Variants in CDYL observed in about 807,000 individuals in gnomAD.
The protein encoded by CDYL is chromodomain Y like, also known as chromodomain Y-like protein.
In CDYL, 8 loss-of-function variants were observed where a neutral mutation model predicts 47.3. The observed-to-expected ratio is 0.17, with a 90% CI of 0.10 to 0.31. The LOEUF is 0.31. Ranked by LOEUF, CDYL falls within the 10% of genes least tolerant of loss-of-function variation. CDYL has a pLI of 1.00. For missense variants in CDYL, 471 were observed against 701.4 expected (o/e 0.67, Z 3.71); for synonymous variants, 266 against 265.0 (o/e 1.00, Z -0.04).
intron 2 of CDYL, among the ~76,000 whole-genome samples, chr6:4,915,159 C>T (rs1268990059): frequency 1.3e-5 from 2 of 152,198 alleles, no homozygotes; most frequent in African/African-American, 2.4e-5. Flanking sequence ...AGCATCCTTT[C>T]GATCACCTCC....
At chr6:4,935,415 T>G in intron 2 of CDYL, 100 bp from the exon 3 acceptor site, 1 of 1,025,252 alleles carries the variant, frequency 9.8e-7, no homozygotes, top group Non-Finnish European at 1.5e-6. Context: ...CGTTTAATCC[T>G]AAGTGTGTAA....
chr6:4,753,352 G>C (rs1204482532), intron 3 of CDYL, among the ~76,000 whole-genome samples: 1 of 152,108 alleles, frequency 6.6e-6, no homozygotes, highest in Admixed American at 6.6e-5. Context: ...TTTCCTCTTG[G>C]GCTGTCAGTG....
chr6:4,825,690 T>G (rs1759962574), intron 1 of CDYL, among the ~76,000 whole-genome samples: 1 of 152,198 alleles, frequency 6.6e-6, no homozygotes, highest in South Asian at 2.1e-4. Context: ...TAAATCCCAT[T>G]TGGTTATAAT....
At chr6:4,735,909 G>GC (rs1262413384) in intron 3 of CDYL, among the ~76,000 whole-genome samples, 1 of 152,118 alleles carries the variant, frequency 6.6e-6, no homozygotes, top group Non-Finnish European at 1.5e-5. Context: ...ACGTGATGGG[G>GC]GGGGGTGGGA....
chr6:4,893,166 G>A (rs1762098832), intron 2 of CDYL, among the ~76,000 whole-genome samples: 1 of 152,230 alleles, frequency 6.6e-6, no homozygotes, highest in African/African-American at 2.4e-5. Flanking sequence ...CCTTCTGACA[G>A]CTCCCATCCC....
At chr6:4,749,882 A>G (rs76099511) in intron 3 of CDYL, among the ~76,000 whole-genome samples, 3,261 of 152,278 alleles carry the variant, frequency 0.021, 94 homozygotes, top group African/African-American at 0.06. Flanking sequence ...CACCAACACA[A>G]TAGGAAAAAA....
intron 5 of CDYL, 68 bp downstream of exon 5, chr6:4,943,824 G>T: frequency 8.1e-7 from 1 of 1,236,570 alleles, no homozygotes; most frequent in Non-Finnish European, 1.1e-6. Context: ...ATCTAGTTTG[G>T]TTATTGTTTT....
intron 1 of CDYL, among the ~76,000 whole-genome samples, chr6:4,802,826 G>T (rs1169925457): frequency 6.9e-6 from 1 of 145,562 alleles, no homozygotes; most frequent in Non-Finnish European, 1.5e-5. Context: ...GTGCACTTGT[G>T]CAGGGAGGGT....
At chr6:4,926,999 T>C (rs1436943059) in intron 2 of CDYL, among the ~76,000 whole-genome samples, 3 of 152,200 alleles carry the variant, frequency 2.0e-5, no homozygotes, top group Non-Finnish European at 4.4e-5. Context: ...GATGCACTTA[T>C]TGACCCGTAT....
chr6:4,791,186 C>T (rs560875074), intron 1 of CDYL, among the ~76,000 whole-genome samples: 11 of 152,328 alleles, frequency 7.2e-5, no homozygotes, highest in African/African-American at 2.4e-4. Context: ...ATCATATGAT[C>T]TTTGTCATCA....
chr6:4,759,942 AAAAG>A (rs1224249516), intron 3 of CDYL, among the ~76,000 whole-genome samples: 9 of 116,944 alleles, frequency 7.7e-5, no homozygotes, highest in South Asian at 5.9e-4. Context: ...GAAAGAAAAG[AAAAG>A]AAAGAAAGAA....
intron 6 of CDYL, among the ~76,000 whole-genome samples, chr6:4,953,621 G>C (rs558913910): frequency 6.6e-6 from 1 of 152,170 alleles, no homozygotes; most frequent in African/African-American, 2.4e-5. Flanking sequence ...GCCAGTATGC[G>C]GCAGTGGCGC....
At chr6:4,846,116 T>C (rs955412256) in intron 1 of CDYL, among the ~76,000 whole-genome samples, 3 of 151,978 alleles carry the variant, frequency 2.0e-5, no homozygotes, top group Non-Finnish European at 4.4e-5. Flanking sequence ...ATGTGAATAC[T>C]ACAATTTTAT....
chr6:4,913,502 A>G (rs1276046694), intron 2 of CDYL, among the ~76,000 whole-genome samples: 4 of 152,236 alleles, frequency 2.6e-5, no homozygotes, highest in African/African-American at 7.2e-5. Flanking sequence ...AGGATTGGGG[A>G]AAAGTTGATA....
At chr6:4,842,943 G>A (rs910272044) in intron 1 of CDYL, among the ~76,000 whole-genome samples, 2 of 152,036 alleles carry the variant, frequency 1.3e-5, no homozygotes, top group Non-Finnish European at 1.5e-5. Context: ...TCTCCTTTTA[G>A]CAGTTTTTGT....
At chr6:4,708,157 C>T (rs1331237976) in intron 1 of CDYL, among the ~76,000 whole-genome samples, 1 of 70,020 alleles carries the variant, frequency 1.4e-5, no homozygotes. Context: ...CACACACACA[C>T]ACACACACAC....
At position 4,949,226 on chromosome 6, in the gene CDYL, A is replaced by G. The variant is rs1758621338; in HGVS notation, c.1333-3040A>G. On this transcript the variant is annotated intron_variant, in intron 5 of 6. Coordinates refer to ENST00000397588, the MANE Select transcript of CDYL (RefSeq NM_004824.4). ...CACGGTCTGACGCCCACAGGCTCCCACGTGGAAATCTTGCACCTCTCAGGG... is the reference window on the plus strand; with the variant it reads ...CACGGTCTGACGCCCACAGGCTCCCGCGTGGAAATCTTGCACCTCTCAGGG... Among the ~76,000 whole-genome samples the G allele has an allele frequency of 2.6e-5, 4 of 152,318 alleles. 1 individual carries two copies. In the South Asian group the frequency reaches 8.3e-4, roughly 32 times the overall value.
chr6:4,788,708 TC>T (rs1445038161), intron 1 of CDYL, among the ~76,000 whole-genome samples: 1 of 150,788 alleles, frequency 6.6e-6, no homozygotes, highest in Non-Finnish European at 1.5e-5. Flanking sequence ...GGATGGAAAT[TC>T]CAATCCTTTC....
chr6:4,735,200 C>T (rs9378412), intron 3 of CDYL, among the ~76,000 whole-genome samples: 108,639 of 151,912 alleles, frequency 0.72, 38,968 homozygotes, highest in South Asian at 0.84. Context: ...GCAGGAGAAT[C>T]GCTTGAACCC....
Sources: gnomAD v4.1 joint callset for allele counts (sites outside exome capture counted in the v4.1 genomes callset) on GRCh38, gnomAD v4.1.1 for gene constraint, MANE v1.5 for transcripts, NCBI Gene and HGNC (gene_info 2026-07-23, HGNC 2026-07-21) for gene names.